The following LHPP variants were observed in gnomAD, a reference collection of about 807,000 sequenced individuals.
LHPP encodes phospholysine phosphohistidine inorganic pyrophosphate phosphatase.
LHPP carries 24 observed loss-of-function variants against 30.3 expected under a neutral mutation model. The observed-to-expected ratio is 0.79, with a 90% CI of 0.57 to 1.11. LHPP has a LOEUF of 1.11. Among genes scored for constraint, LHPP ranks in the 50% most tolerant of loss-of-function variants. The pLI is 0.00. For synonymous variants in LHPP, 150 were observed against 157.1 expected (o/e 0.95, Z 0.34); for missense variants, 356 against 367.2 (o/e 0.97, Z 0.25).
chr10:124,513,201 C>T (rs530808218), intron 5 of LHPP, among the ~76,000 whole-genome samples: 1 of 151,938 alleles, frequency 6.6e-6, no homozygotes, highest in South Asian at 2.1e-4. Context: ...GCTGGGATTA[C>T]AGGCATCCGC....
intron 6 of LHPP, among the ~76,000 whole-genome samples, chr10:124,563,313 C>CTTTT (rs58678509): frequency 0.076 from 10,563 of 138,948 alleles, 657 homozygotes; most frequent in African/African-American, 0.14. Context: ...CTCTCTTTTT[C>CTTTT]TTTTTTTTTT....
intron 1 of LHPP, among the ~76,000 whole-genome samples, chr10:124,463,844 C>G (rs1243265452): frequency 8.6e-6 from 1 of 116,150 alleles, no homozygotes; most frequent in Non-Finnish European, 1.7e-5. Context: ...TTTTTTGAGA[C>G]AAGGTCTTAC....
intron 3 of LHPP, among the ~76,000 whole-genome samples, chr10:124,495,530 T>A (rs968952206): frequency 4.6e-5 from 7 of 152,190 alleles, no homozygotes; most frequent in Non-Finnish European, 1.0e-4. Context: ...GCTGGGTGCC[T>A]GCTACAGCTT....
intron 2 of LHPP, 45 bp from the exon 3 acceptor site, chr10:124,488,377 T>C: frequency 6.3e-7 from 1 of 1,589,354 alleles, no homozygotes; most frequent in South Asian, 1.1e-5. Context: ...GTAGGCCATG[T>C]CCTCCCAGGG....
chr10:124,484,697 A>AGAG (rs1953265967), intron 2 of LHPP, among the ~76,000 whole-genome samples: 1 of 150,812 alleles, frequency 6.6e-6, no homozygotes, highest in African/African-American at 2.4e-5. Flanking sequence ...AGAGAGAGAG[A>AGAG]AAATGAGAAT....
chr10:124,542,126 G>A (rs994826620), intron 6 of LHPP, among the ~76,000 whole-genome samples: 8 of 152,104 alleles, frequency 5.3e-5, no homozygotes, highest in Admixed American at 1.3e-4. Flanking sequence ...GCCTGGGACC[G>A]CAGTTAGAGC....
chr10:124,565,093 GT>G, intron 6 of LHPP, among the ~76,000 whole-genome samples: 1 of 152,206 alleles, frequency 6.6e-6, no homozygotes, highest in East Asian at 1.9e-4. Context: ...CTGCTCTGAT[GT>G]TTGCAAACAC....
chr10:124,575,337 T>C (rs1228794895), intron 6 of LHPP, among the ~76,000 whole-genome samples: 1 of 152,096 alleles, frequency 6.6e-6, no homozygotes, highest in Non-Finnish European at 1.5e-5. Context: ...AAAACCAAGC[T>C]GTCCGCATCT....
At chr10:124,515,625 G>GTTAAATTACTTGAAAACAGTT (rs1277153751) in intron 5 of LHPP, among the ~76,000 whole-genome samples, 1 of 152,174 alleles carries the variant, frequency 6.6e-6, no homozygotes, top group African/African-American at 2.4e-5. Flanking sequence ...GTGGGATGCA[G>GTTAAATTACTTGAAAACAGTT]TTAAATTACT....
chr10:124,480,232 G>A (rs1223892052), intron 1 of LHPP, among the ~76,000 whole-genome samples: 1 of 152,198 alleles, frequency 6.6e-6, no homozygotes, highest in African/African-American at 2.4e-5. Flanking sequence ...CCGGGGCGCA[G>A]AAGGACAGAA....
At chr10:124,565,992 G>A (rs1948483962) in intron 6 of LHPP, among the ~76,000 whole-genome samples, 3 of 152,272 alleles carry the variant, frequency 2.0e-5, no homozygotes, top group South Asian at 4.1e-4. Context: ...GGCCTTTGCC[G>A]AGGTGGGCCT....
chr10:124,581,618 T>C (rs1948742881), intron 6 of LHPP, among the ~76,000 whole-genome samples: 1 of 152,214 alleles, frequency 6.6e-6, no homozygotes, highest in South Asian at 2.1e-4. Context: ...TGAAGTACTA[T>C]CTCATTCAGA....
At chr10:124,609,845 G>A (rs1589718756) in intron 6 of LHPP, among the ~76,000 whole-genome samples, 1 of 152,206 alleles carries the variant, frequency 6.6e-6, no homozygotes, top group African/African-American at 2.4e-5. Flanking sequence ...AGCCGTTGTG[G>A]AGTATTCCAG....
At chr10:124,502,647 C>T (rs1342573872) in intron 5 of LHPP, among the ~76,000 whole-genome samples, 2 of 145,522 alleles carry the variant, frequency 1.4e-5, no homozygotes, top group Non-Finnish European at 3.0e-5. Flanking sequence ...GGATTACAGA[C>T]GTGAGCCACC....
chr10:124,530,583 C>G (rs1481553573), intron 6 of LHPP, among the ~76,000 whole-genome samples: 1 of 151,954 alleles, frequency 6.6e-6, no homozygotes, highest in East Asian at 1.9e-4. Context: ...CCCCCCCACG[C>G]CCCAGGCCAC....
At chr10:124,469,194 G>A (rs1303150850) in intron 1 of LHPP, among the ~76,000 whole-genome samples, 1 of 152,150 alleles carries the variant, frequency 6.6e-6, no homozygotes, top group African/African-American at 2.4e-5. Context: ...TGTGATTGGA[G>A]TGGGGTGGGG....
chr10:124,513,209 C>T (rs1269976793), intron 5 of LHPP, among the ~76,000 whole-genome samples: 2 of 151,506 alleles, frequency 1.3e-5, no homozygotes, highest in Admixed American at 6.6e-5. Context: ...TACAGGCATC[C>T]GCCACCATGC....
chr10:124,584,561 C>T (rs1948779011), intron 6 of LHPP, among the ~76,000 whole-genome samples: 1 of 151,984 alleles, frequency 6.6e-6, no homozygotes, highest in Non-Finnish European at 1.5e-5. Flanking sequence ...CATAGCAGCT[C>T]TTTTATTTAT....
intron 6 of LHPP, among the ~76,000 whole-genome samples, chr10:124,610,437 A>AGCGGGTGAGGGTGAGGGTGAGGGTGAGGG (rs1949161803): frequency 2.8e-5 from 1 of 36,258 alleles, no homozygotes; most frequent in Non-Finnish European, 5.1e-5. Flanking sequence ...GAGGGTGCTG[A>AGCGGGTGAGGGTGAGGGTGAGGGTGAGGG]TGCAGCGGGT....
Sources: gnomAD v4.1 joint callset for allele counts (sites outside exome capture counted in the v4.1 genomes callset) on GRCh38, gnomAD v4.1.1 for gene constraint, MANE v1.5 for transcripts, NCBI Gene and HGNC (gene_info 2026-07-23, HGNC 2026-07-21) for gene names.